The following CUL9 variants were observed in gnomAD, a reference collection of about 807,000 sequenced individuals.
The protein encoded by CUL9 is cullin-9.
A neutral mutation model predicts 272.6 loss-of-function variants in CUL9; 79 were observed. The ratio of observed to expected loss-of-function variants is 0.29; its 90% CI spans 0.24 to 0.35. CUL9 has a LOEUF of 0.35. Ranked by LOEUF, CUL9 falls within the 10% of genes least tolerant of loss-of-function variation. The pLI, the probability that CUL9 is intolerant of heterozygous loss-of-function variation, is 1.00. For synonymous variants in CUL9, 1,186 were observed against 1,286.5 expected (o/e 0.92, Z 1.67); for missense variants, 2,532 against 3,255.6 (o/e 0.78, Z 5.41).
intron 21 of CUL9, 33 bp from the exon 22 acceptor site, chr6:43,204,715 T>G (rs1774911482): frequency 6.2e-7 from 1 of 1,610,444 alleles, no homozygotes; most frequent in Non-Finnish European, 8.5e-7. Context: ...GAGGCTGAGA[T>G]GAAACCCCTT....
chr6:43,187,885 C>A lies in CUL9; in HGVS notation c.1754C>A (p.Ser585Ter), dbSNP rs749660400. 1.2e-6 allele frequency: 2 copies of A among 1,614,090 alleles called. No homozygotes were observed. Among genetic ancestry groups the A allele is most frequent in the Non-Finnish European group, 1.7e-6 (2 of 1,180,022 alleles). ...LSNEPSSSST[S>*]RNHSCTPDPE... The stretch of plus-strand genomic sequence containing the variant: ...AATGAACCAAGCAGCTCGTCTACTT[C>A]ACGAAATCACTCCTGTACCCCAGAT... The change falls in exon 7 of 41, where the codon TCA (serine) becomes TAA (stop). Residue 585 changes from serine (S) to a stop codon, truncating the protein, a stop_gained. Coordinates refer to ENST00000252050, the MANE Select transcript of CUL9 (RefSeq NM_015089.4). LOFTEE classifies it high-confidence loss of function.
chr6:43,187,759 T>C lies in CUL9; in HGVS notation c.1628T>C (p.Met543Thr). 2 of 1,613,428 alleles carry C rather than the reference T, an allele frequency of 1.2e-6. No individual in the cohort carries two copies. Among genetic ancestry groups the C allele is most frequent in the South Asian group, 1.1e-5 (1 of 91,028 alleles). The change falls in exon 7 of 41, where the codon ATG becomes ACG. Residue 543 changes from methionine to threonine, a missense_variant. Transcript: ENST00000252050. ...GGTGAGATCTCTGTGTCCGTGGAAA[T>C]GGCCGAGAGTCTGCTGCAGGTTCTC... is the stretch of plus-strand genomic sequence containing the variant. Reference protein sequence around the residue: ...ALGEISVSVEMAESLLQVLSS... With the variant: ...ALGEISVSVETAESLLQVLSS...
At position 43,224,146 on chromosome 6, in the gene CUL9, G is replaced by GT; in HGVS notation, c.7336_7337insT (p.Gly2446ValfsTer25). The GT allele has an allele frequency of 1.2e-6, 2 of 1,614,240 alleles. No homozygotes were observed. The highest frequency in any genetic ancestry group is 1.7e-6 in the Non-Finnish European group (2 of 1,180,040). On this transcript the variant is annotated frameshift_variant, in exon 40 of 41. Transcript: ENST00000252050. LOFTEE classifies it high-confidence loss of function. The surrounding 1 kb of genome is among the most constrained non-coding windows in gnomAD (Gnocchi z 4.2). Reference sequence around the variant, plus strand: ...ATCAGTAGAGGCCTGGGAGGCAAAAGGACCCAACATGCCTGGCAGTCAGTA... The same window carrying GT: ...ATCAGTAGAGGCCTGGGAGGCAAAAGTGACCCAACATGCCTGGCAGTCAGTA...
At position 43,220,860 on chromosome 6, in the gene CUL9, C is replaced by T. The variant is rs1340283426; in HGVS notation, c.6537C>T (p.Thr2179=). Residue 2179 remains threonine (T), a synonymous_variant, in exon 33 of 41, where the codon ACC becomes ACT. Coordinates refer to ENST00000252050, the MANE Select transcript of CUL9 (RefSeq NM_015089.4). The surrounding 1 kb of genome is among the most constrained non-coding windows in gnomAD (Gnocchi z 4.9). ...ILCRQGLGCG[T]TCSKCGWASC... is the part of the protein sequence containing the mutation. ...GCCGCCAGGGCCTGGGCTGTGGGAC[C>T]ACCTGCTCCAAGTGTGGCTGGGCCT... 6.2e-7 allele frequency: 1 copy of T among 1,613,682 alleles called. No individual in the cohort carries two copies. The highest frequency in any genetic ancestry group is 1.7e-5 in the Admixed American group (1 of 59,986).
intron 1 of CUL9, among the ~76,000 whole-genome samples, chr6:43,182,720 C>T (rs1355674423): frequency 2.6e-5 from 4 of 152,004 alleles, no homozygotes; most frequent in African/African-American, 4.8e-5. Flanking sequence ...TTTCTCCCTC[C>T]TCTTCACCTC....
In CUL9 at chr6:43,198,678, GCCC is replaced by G; in HGVS notation, c.2874_2876del (p.Pro959del). The G allele has an allele frequency of 6.2e-7, 1 of 1,613,054 alleles. No homozygotes were observed. Reference sequence around the variant, plus strand: ...CTACTGATTCGATCCCTGGTTGGGGGCCCATCTGCAGAACTACTCCTGGACTTG... The same window carrying G: ...CTACTGATTCGATCCCTGGTTGGGGGATCTGCAGAACTACTCCTGGACTTG... On this transcript the variant is annotated inframe_deletion, in exon 12 of 41. Transcript: ENST00000252050.
intron 8 of CUL9, among the ~76,000 whole-genome samples, chr6:43,190,434 T>A (rs1377523640): frequency 6.6e-6 from 1 of 152,154 alleles, no homozygotes; most frequent in Non-Finnish European, 1.5e-5. Context: ...CTTGTCTTTT[T>A]AAAAATCATC....
intron 8 of CUL9, among the ~76,000 whole-genome samples, chr6:43,189,553 C>T (rs999617987): frequency 2.0e-5 from 3 of 151,788 alleles, no homozygotes; most frequent in Non-Finnish European, 2.9e-5. Flanking sequence ...TATTTATTTA[C>T]TTGTTTTTGA....
chr6:43,210,138 C>T lies in CUL9; in HGVS notation c.5213-3011C>T, dbSNP rs557823043. ...GGATTACAGGTGCCCACCACCATGC[C>T]TGGCTAATTTTTGTATTTTTAGTAG... On this transcript the variant is annotated intron_variant, in intron 26 of 40. Transcript: ENST00000252050. 2.6e-5 allele frequency among the ~76,000 whole-genome samples: 4 copies of T among 152,176 alleles called. No homozygotes were observed. In the East Asian group the frequency reaches 5.8e-4, roughly 22 times the overall value.
chr6:43,196,320 C>T, intron 10 of CUL9, 55 bp downstream of exon 10: 1 of 1,506,168 alleles, frequency 6.6e-7, no homozygotes, highest in South Asian at 1.2e-5. Context: ...AACCCTGCTA[C>T]TCCTGTGCTC....
At chr6:43,194,963 G>T (rs1017316267) in intron 9 of CUL9, among the ~76,000 whole-genome samples, 1 of 152,146 alleles carries the variant, frequency 6.6e-6, no homozygotes, top group Non-Finnish European at 1.5e-5. Flanking sequence ...GCTGAGGCGG[G>T]AGAATCGCTT....
chr6:43,188,477 A>G, intron 7 of CUL9, 46 bp from the exon 8 acceptor site: 1 of 1,521,076 alleles, frequency 6.6e-7, no homozygotes, highest in Non-Finnish European at 8.9e-7. Flanking sequence ...TCTAACTTCA[A>G]GGTGCCACAG....
chr6:43,205,571 A>T, intron 24 of CUL9, 148 bp downstream of exon 24: 1 of 885,520 alleles, frequency 1.1e-6, no homozygotes, highest in Non-Finnish European at 1.7e-6. Flanking sequence ...TGGCTCACGC[A>T]TGTAATCCCA....
intron 9 of CUL9, 100 bp downstream of exon 9, chr6:43,193,308 T>C: frequency 9.9e-7 from 1 of 1,009,798 alleles, no homozygotes; most frequent in Non-Finnish European, 1.5e-6. Context: ...GATCAGTGAG[T>C]AGACTTTGGA....
chr6:43,214,482 A>G (rs1244244867), intron 29 of CUL9, among the ~76,000 whole-genome samples: 2 of 152,076 alleles, frequency 1.3e-5, no homozygotes, highest in African/African-American at 4.8e-5. Flanking sequence ...ATTTCATTTG[A>G]CAGATAAGAA....
rs769656481 is a variant in CUL9, at chr6:43,215,223, C to T, written c.5833C>T (p.Arg1945Trp). The part of the protein sequence containing the change: ...GQGYVKRRDD[R>W]PQILMYAAPE... The stretch of plus-strand genomic sequence containing the variant: ...GGGCTACGTGAAACGGCGTGATGAC[C>T]GGCCCCAGATCCTGATGTATGCCGC... The change falls in exon 30 of 41, where the codon CGG (arginine) becomes TGG (tryptophan). Residue 1945 changes from arginine to tryptophan, a missense_variant. This residue lies in a region of CUL9 where 2,218 missense variants were observed against 2,788.6 expected (regional missense o/e 0.80). Coordinates refer to ENST00000252050, the MANE Select transcript of CUL9 (RefSeq NM_015089.4). 35 of 1,614,066 alleles carry T rather than the reference C, an allele frequency of 2.2e-5. No individual in the cohort carries two copies. Among genetic ancestry groups the T allele is most frequent in the Admixed American group, 5.0e-5 (3 of 60,006 alleles).
intron 29 of CUL9, 96 bp from the exon 30 acceptor site, chr6:43,214,983 A>G (rs1485511230): frequency 1.1e-5 from 16 of 1,433,740 alleles, no homozygotes; most frequent in African/African-American, 4.3e-5. Flanking sequence ...TCTTAAAAAA[A>G]AAGGGGGGGA....
chr6:43,204,565 G>C (rs1774896182), intron 21 of CUL9, 26 bp downstream of exon 21: 2 of 1,613,270 alleles, frequency 1.2e-6, no homozygotes, highest in East Asian at 4.5e-5. Context: ...GGCCAGTGGA[G>C]CTGACTCTGC....
At position 43,206,219 on chromosome 6, in the gene CUL9, G is replaced by C; in HGVS notation, c.5006G>C (p.Arg1669Thr). ...FLEQEDEEEK[R>T]LEEEEEEEEE... The stretch of plus-strand genomic sequence containing the variant: ...GAGCAGGAAGATGAGGAGGAAAAGA[G>C]ACTAGAGGAAGAGGAGGTAAGAGCA... Residue 1669 changes from arginine to threonine, a missense_variant, in exon 25 of 41, where the codon AGA (arginine) becomes ACA (threonine). Coordinates refer to ENST00000252050, the MANE Select transcript of CUL9 (RefSeq NM_015089.4). This position sits in a 1 kb window ranked among gnomAD's most constrained non-coding sequence, Gnocchi z 4.8. 2 of 1,612,096 alleles carry C rather than the reference G, an allele frequency of 1.2e-6. No individual in the cohort carries two copies. The highest frequency in any genetic ancestry group is 1.7e-6 in the Non-Finnish European group (2 of 1,179,110).
Sources: gnomAD v4.1 joint callset for allele counts (sites outside exome capture counted in the v4.1 genomes callset) on GRCh38, gnomAD v4.1.1 for gene constraint, gnomAD v4.1.1 regional missense constraint, Gnocchi (gnomAD v3.1) non-coding constraint, MANE v1.5 for transcripts, NCBI Gene and HGNC (gene_info 2026-07-23, HGNC 2026-07-21) for gene names.